Variants in DPF2 observed in about 807,000 individuals in gnomAD.
DPF2 encodes the protein zinc finger protein ubi-d4.
DPF2 carries 10 observed loss-of-function variants against 59.6 expected under a neutral mutation model. That is an observed-to-expected ratio of 0.17 (90% confidence interval 0.10 to 0.28). The LOEUF (loss-of-function observed/expected upper bound fraction) is 0.28. Among genes scored for constraint, DPF2 ranks in the 10% least tolerant of loss-of-function variants. The probability of loss-of-function intolerance (pLI) is 1.00; values close to 1 mark genes in which losing one functional copy is unlikely to be tolerated. For missense variants in DPF2, 315 were observed against 509.4 expected, an observed-to-expected ratio of 0.62 and a Z score of 3.67; for synonymous variants, 189 against 190.6, an observed-to-expected ratio of 0.99 and a Z score of 0.07.
At chr11:65,343,509 G>A in intron 4 of DPF2, 1 of 543,192 alleles carries the variant, frequency 1.8e-6, no homozygotes, top group East Asian at 3.0e-5. Context: ...GTGGCATGGT[G>A]GGGAAAGCAT....
intron 6 of DPF2, 147 bp from the exon 7 acceptor site, chr11:65,345,519 C>T (rs1443226883): frequency 1.2e-5 from 14 of 1,141,088 alleles, no homozygotes; most frequent in Non-Finnish European, 1.6e-5. Flanking sequence ...GGGAAGTGGC[C>T]GTCACTCAAG....
At position 65,354,085 on chromosome 11, in the gene DPF2, A is replaced by G. The variant is rs1229447922; in HGVS notation, c.*2326A>G. ...CGGAAGCCTGTGAGGAAGGCAGAGG[A>G]TGCGGAGCTGTGAGCGGAGGGAGCA... is the stretch of plus-strand genomic sequence containing the variant. On this transcript the variant is annotated 3_prime_UTR_variant, in exon 11 of 11. Transcript: ENST00000528416. 1.3e-5 allele frequency among the ~76,000 whole-genome samples: 2 copies of G among 152,160 alleles called. No individual in the cohort carries two copies. Among genetic ancestry groups the G allele is most frequent in the African/African-American group, 4.8e-5 (2 of 41,458 alleles).
chr11:65,336,908 G>T (rs1490659243), intron 1 of DPF2, among the ~76,000 whole-genome samples: 1 of 151,544 alleles, frequency 6.6e-6, no homozygotes, highest in Non-Finnish European at 1.5e-5. Context: ...GGCCAAGGTG[G>T]TGAAACCCGT....
At chr11:65,343,966 G>T in intron 5 of DPF2, 25 bp from the exon 6 acceptor site, 1 of 1,614,000 alleles carries the variant, frequency 6.2e-7, no homozygotes, top group Non-Finnish European at 8.5e-7. Flanking sequence ...CCAAAATAAG[G>T]GTGTCTCTTT....
At chr11:65,341,817 A>T (rs935814386) in intron 4 of DPF2, 2 of 355,456 alleles carry the variant, frequency 5.6e-6, no homozygotes, top group Non-Finnish European at 1.0e-5. Context: ...TTCATTAAAA[A>T]AATTAAAATA....
intron 1 of DPF2, 27 bp from the exon 2 acceptor site, chr11:65,340,358 C>A: frequency 1.2e-6 from 2 of 1,611,846 alleles, no homozygotes; most frequent in Non-Finnish European, 1.7e-6. Context: ...CTCCAACATA[C>A]ACGCCTGATT....
chr11:65,348,644 T>C (rs1417817729), intron 9 of DPF2: 3 of 451,806 alleles, frequency 6.6e-6, no homozygotes, highest in African/African-American at 2.0e-5. Flanking sequence ...GGAGGTGATT[T>C]GATCAATTAG....
chr11:65,334,324 C>A (rs1168180021), intron 1 of DPF2, among the ~76,000 whole-genome samples: 1 of 151,696 alleles, frequency 6.6e-6, no homozygotes, highest in African/African-American at 2.4e-5. Flanking sequence ...CCCGTCCCGT[C>A]CCGTTCGCTG....
At chr11:65,344,747 A>T in intron 6 of DPF2, 4 of 1,086,004 alleles carry the variant, frequency 3.7e-6, no homozygotes, top group Non-Finnish European at 5.3e-6. Flanking sequence ...TGGGGGTAGG[A>T]GCAGTGGAAT....
chr11:65,342,716 T>G (rs1419867014), intron 4 of DPF2, among the ~76,000 whole-genome samples: 2 of 152,044 alleles, frequency 1.3e-5, no homozygotes, highest in Non-Finnish European at 2.9e-5. Flanking sequence ...CAAAGCAGTT[T>G]AAAAACTTCC....
At chr11:65,343,575 G>A (rs1306896330) in intron 4 of DPF2, 170 bp from the exon 5 acceptor site, 1 of 615,272 alleles carries the variant, frequency 1.6e-6, no homozygotes, top group East Asian at 2.8e-5. Flanking sequence ...AAGTATGGAA[G>A]GGAGCAGGAG....
intron 1 of DPF2, among the ~76,000 whole-genome samples, chr11:65,335,084 T>TG (rs993945661): frequency 1.3e-5 from 2 of 151,226 alleles, no homozygotes; most frequent in African/African-American, 2.4e-5. Context: ...GGTTTGTTTT[T>TG]TTTTTTTTTA....
At chr11:65,338,640 G>C (rs895052929) in intron 1 of DPF2, among the ~76,000 whole-genome samples, 1 of 152,184 alleles carries the variant, frequency 6.6e-6, no homozygotes, top group African/African-American at 2.4e-5. Flanking sequence ...TCTCCAACGT[G>C]AGATTCGTGC....
At chr11:65,346,609 T>C (rs1854538529) in intron 9 of DPF2, 1 of 430,484 alleles carries the variant, frequency 2.3e-6, no homozygotes, top group Non-Finnish European at 4.2e-6. Context: ...CCTCATGAGA[T>C]TTACATTCTT....
At chr11:65,350,066 A>G (rs1854648010) in intron 10 of DPF2, among the ~76,000 whole-genome samples, 1 of 152,062 alleles carries the variant, frequency 6.6e-6, no homozygotes, top group Admixed American at 6.6e-5. Context: ...TGCTTTGGGG[A>G]GAAGTCGCAT....
intron 1 of DPF2, among the ~76,000 whole-genome samples, chr11:65,338,460 G>T (rs1307216874): frequency 6.6e-6 from 1 of 152,234 alleles, no homozygotes; most frequent in Non-Finnish European, 1.5e-5. Context: ...GCACTCGCCA[G>T]CCTGGCCCTG....
chr11:65,344,250 G>T, intron 6 of DPF2, 181 bp downstream of exon 6: 1 of 655,268 alleles, frequency 1.5e-6, no homozygotes. Flanking sequence ...TATATGACGG[G>T]TGGGACCTGC....
At chr11:65,338,727 G>A (rs973854907) in intron 1 of DPF2, among the ~76,000 whole-genome samples, 4 of 152,118 alleles carry the variant, frequency 2.6e-5, no homozygotes, top group South Asian at 4.2e-4. Flanking sequence ...TCTGTGTGTC[G>A]TATGTGTCTT....
At chr11:65,343,704 T>C (rs374150853) in intron 4 of DPF2, 41 bp from the exon 5 acceptor site, 37 of 1,553,964 alleles carry the variant, frequency 2.4e-5, no homozygotes, top group Non-Finnish European at 3.0e-5. Flanking sequence ...AGCTTTTGGA[T>C]GCACATATTT....
Sources: allele counts gnomAD v4.1 joint callset (sites outside exome capture counted in the v4.1 genomes callset), GRCh38; gene constraint gnomAD v4.1.1; transcripts MANE v1.5; gene names NCBI Gene and HGNC (gene_info 2026-07-23, HGNC 2026-07-21).